Variants in NHLRC3 observed in about 807,000 individuals in gnomAD.
The protein encoded by NHLRC3 is NHL repeat-containing protein 3.
A neutral mutation model predicts 32.0 loss-of-function variants in NHLRC3; 23 were observed. The ratio of observed to expected loss-of-function variants is 0.72; its 90% confidence interval spans 0.52 to 1.02. The LOEUF (loss-of-function observed/expected upper bound fraction) is 1.02. NHLRC3 is among the 50% of genes least tolerant of loss of function. The pLI is 0.00. For synonymous variants in NHLRC3, 159 were observed against 147.9 expected (o/e 1.08, Z -0.55); for missense variants, 407 against 406.8 (o/e 1.00, Z -0.01).
chr13:39,047,179 G>A, intron 6 of NHLRC3, 27 bp downstream of exon 6: 1 of 1,346,640 alleles, frequency 7.4e-7, no homozygotes, highest in Non-Finnish European at 1.1e-6. Flanking sequence ...ATTGCAAAAT[G>A]CTTGTTTTAG....
rs897980908 is a variant in NHLRC3, at chr13:39,038,476, C to G, written c.-164C>G. On this transcript the variant is annotated 5_prime_UTR_variant, in exon 1 of 7. Transcript: ENST00000379600. Reference sequence around the variant, plus strand: ...TTTTCATTCGCCCTGGTCTCTGTTCCCTTTCGTACTCAAAGCTCGTGCATC... The same window carrying G: ...TTTTCATTCGCCCTGGTCTCTGTTCGCTTTCGTACTCAAAGCTCGTGCATC... 1.1e-5 allele frequency: 7 copies of G among 653,424 alleles called. No individual in the cohort carries two copies. In the East Asian group the frequency reaches 1.8e-4, roughly 17 times the overall value. 40.5% of individuals were successfully genotyped at this position (653,424 alleles called of 1,614,324 possible).
intron 5 of NHLRC3, 84 bp downstream of exon 5, chr13:39,044,265 G>GTA: frequency 1.1e-6 from 1 of 908,614 alleles, no homozygotes; most frequent in East Asian, 2.4e-5. Flanking sequence ...GTGTGTGTGT[G>GTA]TGTCTGGGCA....
Position 39,038,498 on chromosome 13 carries a change from C to A in NHLRC3, c.-142C>A. On this transcript the variant is annotated 5_prime_UTR_variant, in exon 1 of 7. Coordinates refer to ENST00000379600, the MANE Select transcript of NHLRC3 (RefSeq NM_001012754.4). ...TTCCCTTTCGTACTCAAAGCTCGTG[C>A]ATCCAGGGAGGGGAAACCGGAGATA... is the stretch of plus-strand genomic sequence containing the variant. 1 of 702,652 alleles carries A rather than the reference C, an allele frequency of 1.4e-6. No homozygotes were observed. Among genetic ancestry groups the A allele is most frequent in the Non-Finnish European group, 2.6e-6 (1 of 388,002 alleles). The allele number at this position is 702,652 out of a possible 1,614,324, so 43.5% of individuals were successfully genotyped here.
At chr13:39,047,268 A>C (rs1593554867) in intron 6 of NHLRC3, 116 bp downstream of exon 6, 2 of 642,182 alleles carry the variant, frequency 3.1e-6, no homozygotes, top group Non-Finnish European at 5.3e-6. Context: ...ATTAGGGGAA[A>C]ATAGAAATAT....
rs556669291 is a variant in NHLRC3 at position 39,049,731 on chromosome 13, C to G, written c.*1805C>G. 6.6e-6 allele frequency: 1 copy of G among 152,256 alleles called. No homozygotes were observed. Among genetic ancestry groups the G allele is most frequent in the South Asian group, 2.1e-4 (1 of 4,822 alleles). The allele number at this position is 152,256 out of a possible 1,614,324, so 9.4% of individuals were successfully genotyped here. ...AAGAAGTGCAAATGCCTCTTTGAAG[C>G]AATTTAGGCTAAACTGATTTTGAAA... On this transcript the variant is annotated 3_prime_UTR_variant, in exon 7 of 7. Coordinates refer to ENST00000379600, the MANE Select transcript of NHLRC3 (RefSeq NM_001012754.4).
chr13:39,044,267 GTC>G (rs57265160), intron 5 of NHLRC3, 86 bp downstream of exon 5: 17 of 881,420 alleles, frequency 1.9e-5, no homozygotes, highest in African/African-American at 8.2e-5. Context: ...GTGTGTGTGT[GTC>G]TGGGCATGTA....
rs1239238264 is a variant in NHLRC3 at position 39,039,709 on chromosome 13, G to C, written c.383G>C (p.Ser128Thr). The C allele has an allele frequency of 6.2e-7, 1 of 1,609,502 alleles. No homozygotes were observed. The highest frequency in any genetic ancestry group is 8.5e-7 in the Non-Finnish European group (1 of 1,175,968). ...EQSVWITDVG[S>T]GFFGHTVKKY... ...TCCGTCTGGATCACGGATGTAGGAAGTGGTATGTATAGTAATATCTATTAA... is the reference window on the plus strand; with the variant it reads ...TCCGTCTGGATCACGGATGTAGGAACTGGTATGTATAGTAATATCTATTAA... Residue 128 changes from serine to threonine, a missense_variant and splice_region_variant, in exon 3 of 7, where the codon AGT becomes ACT. Coordinates refer to ENST00000379600, the MANE Select transcript of NHLRC3 (RefSeq NM_001012754.4).
At chr13:39,039,078 C>CAGTTTTTT in intron 1 of NHLRC3, 58 bp from the exon 2 acceptor site, 1 of 1,038,066 alleles carries the variant, frequency 9.6e-7, no homozygotes, top group Non-Finnish European at 1.4e-6. Context: ...CCCCCCCGCC[C>CAGTTTTTT]TTTTTTTGTT....
At position 39,047,607 on chromosome 13, in the gene NHLRC3, A is replaced by G. The variant is rs1236819846; in HGVS notation, c.792-67A>G. The G allele has an allele frequency of 1.4e-5, 19 of 1,373,252 alleles. No individual in the cohort carries two copies. The South Asian group carries it at 2.1e-4, about 15-fold the overall frequency. 85.1% of individuals were successfully genotyped at this position (1,373,252 alleles called of 1,614,324 possible). A position where few individuals can be genotyped will look rare whatever the true frequency, so the allele number is the denominator to read the frequency against. On this transcript the variant is annotated intron_variant, in intron 6 of 6. Coordinates refer to ENST00000379600, the MANE Select transcript of NHLRC3 (RefSeq NM_001012754.4). ...TTGTTTGGCACAGTAGGGGATTAAA[A>G]TGTTGAAAAAAAATACCCTTATGTT...
In NHLRC3 at chr13:39,038,558, C is replaced by G; in HGVS notation, c.-82C>G. ...GGCCCCGGGCAGACCCTCTGTGCCG[C>G]TGCAAACCGTTGCAGCCTGAGGCTG... On this transcript the variant is annotated 5_prime_UTR_variant, in exon 1 of 7. Transcript: ENST00000379600. 8.2e-7 allele frequency: 1 copy of G among 1,220,164 alleles called. No individual in the cohort carries two copies. The highest frequency in any genetic ancestry group is 1.2e-6 in the Non-Finnish European group (1 of 821,362). The allele number at this position is 1,220,164 out of a possible 1,614,324, so 75.6% of individuals were successfully genotyped here. A position where few individuals can be genotyped will look rare whatever the true frequency, so the allele number is the denominator to read the frequency against.
intron 6 of NHLRC3, 46 bp from the exon 7 acceptor site, chr13:39,047,628 A>G (rs1416188751): frequency 5.2e-6 from 8 of 1,545,914 alleles, no homozygotes; most frequent in East Asian, 4.5e-5. Context: ...AAATACCCTT[A>G]TGTTTTTTCA....
chr13:39,042,138 CT>C lies in NHLRC3; in HGVS notation c.423del (p.Phe141LeufsTer18), dbSNP rs774194331. 29 of 1,609,922 alleles carry C rather than the reference CT, an allele frequency of 1.8e-5. No homozygotes were observed. In the South Asian group the frequency reaches 3.0e-4, roughly 16 times the overall value. On this transcript the variant is annotated frameshift_variant, in exon 4 of 7. Coordinates refer to ENST00000379600, the MANE Select transcript of NHLRC3 (RefSeq NM_001012754.4). LOFTEE classifies it high-confidence loss of function. ...GGTCATACTGTTAAAAAATACAGTT[CT>C]TTTGGTGATCTTGTTCAAGTCTTGG... ...FFGHTVKKYS[S>X]FGDLVQVLGT...
intron 3 of NHLRC3, 73 bp downstream of exon 3, chr13:39,039,784 TTAAAA>T: frequency 8.9e-7 from 1 of 1,123,910 alleles, no homozygotes; most frequent in Non-Finnish European, 1.3e-6. Context: ...TTTGTATTGT[TTAAAA>T]TCAGAGTTGC....
intron 3 of NHLRC3, chr13:39,041,846 A>G: frequency 2.7e-6 from 1 of 377,176 alleles, no homozygotes; most frequent in Non-Finnish European, 4.8e-6. Flanking sequence ...TTTCCTGTAT[A>G]ATGAGTCAAT....
At chr13:39,042,350 T>G (rs1460787007) in intron 4 of NHLRC3, 45 bp downstream of exon 4, 1 of 1,188,392 alleles carries the variant, frequency 8.4e-7, no homozygotes, top group South Asian at 1.4e-5. Context: ...ATAAATTGAT[T>G]TTAATTTGTT....
intron 4 of NHLRC3, 116 bp from the exon 5 acceptor site, chr13:39,043,974 T>G: frequency 1.3e-6 from 1 of 753,912 alleles, no homozygotes; most frequent in East Asian, 2.5e-5. Context: ...CGAGAAAGCA[T>G]AGTCAAGTGA....
At chr13:39,044,068 T>A (rs1356089616) in intron 4 of NHLRC3, 22 bp from the exon 5 acceptor site, 2 of 1,529,344 alleles carry the variant, frequency 1.3e-6, no homozygotes, top group Admixed American at 3.3e-5. Context: ...TTGCTCTGAC[T>A]ATATATTTTT....
intron 1 of NHLRC3, 58 bp from the exon 2 acceptor site, chr13:39,039,078 C>CCCCCT: frequency 9.6e-7 from 1 of 1,038,072 alleles, no homozygotes; most frequent in Non-Finnish European, 1.4e-6. Context: ...CCCCCCCGCC[C>CCCCCT]TTTTTTTGTT....
chr13:39,044,578 A>G (rs1370607881), intron 5 of NHLRC3: 1 of 162,402 alleles, frequency 6.2e-6, no homozygotes, highest in East Asian at 1.8e-4. Context: ...ACTTCTCAAG[A>G]AAAAAATGTG....
Sources: allele counts gnomAD v4.1 joint callset, GRCh38; gene constraint gnomAD v4.1.1; transcripts MANE v1.5; gene names NCBI Gene and HGNC (gene_info 2026-07-23, HGNC 2026-07-21).